PPM1H: variants seen among roughly 807,000 people sequenced by gnomAD.
The protein encoded by PPM1H is protein phosphatase, Mg2+/Mn2+ dependent 1H, also known as protein phosphatase 1H.
A neutral mutation model predicts 54.9 loss-of-function variants in PPM1H; 27 were observed. The observed-to-expected ratio is 0.49, with a 90% CI of 0.36 to 0.68. The LOEUF is 0.68. PPM1H is among the 30% of genes least tolerant of loss of function. The pLI, the probability that PPM1H is intolerant of heterozygous loss-of-function variation, is 0.00. For synonymous variants in PPM1H, 305 were observed against 270.8 expected, an observed-to-expected ratio of 1.13 and a Z score of -1.24; for missense variants, 596 against 667.8, an observed-to-expected ratio of 0.89 and a Z score of 1.19.
intron 4 of PPM1H, chr12:62,755,652 G>C (rs2076469236): frequency 1.5e-6 from 1 of 656,782 alleles, no homozygotes; most frequent in Non-Finnish European, 2.7e-6. Flanking sequence ...AATGACAACA[G>C]CCTCAAGATC....
At chr12:62,794,771 G>A (rs2076722401) in intron 3 of PPM1H, among the ~76,000 whole-genome samples, 1 of 152,144 alleles carries the variant, frequency 6.6e-6, no homozygotes, top group African/African-American at 2.4e-5. Context: ...TAGGGAGGAG[G>A]TTTGAAATCA....
intron 6 of PPM1H, among the ~76,000 whole-genome samples, chr12:62,699,641 G>A (rs566771996): frequency 6.6e-6 from 1 of 152,170 alleles, no homozygotes; most frequent in Non-Finnish European, 1.5e-5. Flanking sequence ...ATTTAAAAAG[G>A]CTGTCAACAC....
chr12:62,655,854 A>C (rs2075841558), intron 9 of PPM1H, among the ~76,000 whole-genome samples: 1 of 152,158 alleles, frequency 6.6e-6, no homozygotes, highest in Admixed American at 6.5e-5. Context: ...CATGTTTTGA[A>C]TTTTGAGAAC....
At chr12:62,683,531 G>T (rs898574683) in intron 8 of PPM1H, among the ~76,000 whole-genome samples, 2 of 152,034 alleles carry the variant, frequency 1.3e-5, no homozygotes, top group African/African-American at 4.8e-5. Context: ...TCAGATAAAA[G>T]AAAAAGAAAA....
intron 1 of PPM1H, among the ~76,000 whole-genome samples, chr12:62,931,897 A>G (rs1306058788): frequency 6.6e-6 from 1 of 152,220 alleles, no homozygotes; most frequent in Non-Finnish European, 1.5e-5. Context: ...ACTGTTAATG[A>G]CATAGTGTTT....
intron 1 of PPM1H, among the ~76,000 whole-genome samples, chr12:62,875,721 TAA>T (rs753918059): frequency 5.8e-4 from 88 of 152,320 alleles, no homozygotes; most frequent in Middle Eastern, 3.4e-3. Context: ...CAAAAGATTA[TAA>T]AAGAGCACTG....
intron 5 of PPM1H, among the ~76,000 whole-genome samples, chr12:62,729,278 G>T (rs1400515615): frequency 6.6e-6 from 1 of 152,160 alleles, no homozygotes; most frequent in Non-Finnish European, 1.5e-5. Flanking sequence ...GGTCAGGCAA[G>T]AGCTCTAGGG....
At position 62,778,536 on chromosome 12, in the gene PPM1H, C is replaced by G. The variant is rs114436087; in HGVS notation, c.869+9690G>C. Among the ~76,000 whole-genome samples the G allele has an allele frequency of 4.0e-3, 605 of 152,294 alleles. 4 individuals carry two copies. Among genetic ancestry groups the G allele is most frequent in the African/African-American group, 0.014 (589 of 41,558 alleles). On this transcript the variant is annotated intron_variant, in intron 4 of 9. Coordinates refer to ENST00000228705, the MANE Select transcript of PPM1H (RefSeq NM_020700.2). Reference sequence around the variant, plus strand: ...AAGCCAAGAGTTAAAAATGACAGAGCCTCCTTCGGCCTAGGTCCTCGAGTG... The same window carrying G: ...AAGCCAAGAGTTAAAAATGACAGAGGCTCCTTCGGCCTAGGTCCTCGAGTG...
intron 4 of PPM1H, among the ~76,000 whole-genome samples, chr12:62,769,883 C>A (rs1484079653): frequency 6.6e-6 from 1 of 152,076 alleles, no homozygotes; most frequent in Non-Finnish European, 1.5e-5. Flanking sequence ...GTATGGTAAC[C>A]CACATGTTGC....
intron 6 of PPM1H, among the ~76,000 whole-genome samples, chr12:62,704,446 C>G (rs2076162159): frequency 6.6e-6 from 1 of 152,152 alleles, no homozygotes; most frequent in Admixed American, 6.5e-5. Context: ...CAGTAGGTAT[C>G]TGAATGATAT....
intron 5 of PPM1H, among the ~76,000 whole-genome samples, chr12:62,730,656 T>A (rs1203379837): frequency 2.0e-5 from 3 of 152,148 alleles, no homozygotes; most frequent in Non-Finnish European, 4.4e-5. Flanking sequence ...TACAAAACTT[T>A]TTTTTTTTAA....
At chr12:62,834,491 T>G (rs560008234) in intron 1 of PPM1H, among the ~76,000 whole-genome samples, 48 of 152,278 alleles carry the variant, frequency 3.2e-4, no homozygotes, top group African/African-American at 1.1e-3. Context: ...CTTCCTATTG[T>G]GCCCTGGGGA....
intron 5 of PPM1H, among the ~76,000 whole-genome samples, chr12:62,737,240 A>T (rs1239202544): frequency 6.6e-6 from 1 of 152,030 alleles, no homozygotes; most frequent in Admixed American, 6.6e-5. Context: ...AAACAAAAAA[A>T]ACAAAACCAG....
At chr12:62,846,543 A>C (rs1048554669) in intron 1 of PPM1H, among the ~76,000 whole-genome samples, 3 of 151,192 alleles carry the variant, frequency 2.0e-5, no homozygotes, top group African/African-American at 7.3e-5. Flanking sequence ...TTAGCTTACC[A>C]TATCAGTGTC....
At chr12:62,697,323 G>C (rs563519700) in intron 6 of PPM1H, among the ~76,000 whole-genome samples, 1 of 152,140 alleles carries the variant, frequency 6.6e-6, no homozygotes, top group East Asian at 1.9e-4. Context: ...TCACCATGTT[G>C]ACCAGGCTGG....
intron 2 of PPM1H, among the ~76,000 whole-genome samples, chr12:62,818,341 C>T (rs370723218): frequency 6.6e-6 from 1 of 152,112 alleles, no homozygotes; most frequent in Non-Finnish European, 1.5e-5. Flanking sequence ...CTGAGTATGG[C>T]AATCAGTATG....
At chr12:62,902,502 G>C (rs1871189269) in intron 1 of PPM1H, among the ~76,000 whole-genome samples, 1 of 152,172 alleles carries the variant, frequency 6.6e-6, no homozygotes, top group Non-Finnish European at 1.5e-5. Flanking sequence ...TCCAGACAAA[G>C]CTCTGGATCC....
chr12:62,705,971 C>G (rs775877593), intron 6 of PPM1H, among the ~76,000 whole-genome samples: 1 of 152,198 alleles, frequency 6.6e-6, no homozygotes, highest in African/African-American at 2.4e-5. Context: ...TCGGCCCTTG[C>G]GGCTTTCCCT....
intron 1 of PPM1H, among the ~76,000 whole-genome samples, chr12:62,878,054 C>T (rs1431571765): frequency 2.0e-5 from 3 of 152,120 alleles, no homozygotes; most frequent in African/African-American, 7.2e-5. Context: ...CCCGCCACCA[C>T]GCCCGGCTAA....
Sources: gnomAD v4.1 joint callset for allele counts (sites outside exome capture counted in the v4.1 genomes callset) on GRCh38, gnomAD v4.1.1 for gene constraint, MANE v1.5 for transcripts, NCBI Gene and HGNC (gene_info 2026-07-23, HGNC 2026-07-21) for gene names.